Variants in PECR observed in about 807,000 individuals in gnomAD.
The protein encoded by PECR is peroxisomal trans-2-enoyl-CoA reductase, also known as 2,4-dienoyl-CoA reductase-related protein.
PECR carries 30 observed loss-of-function variants against 35.3 expected under a neutral mutation model. That is an observed-to-expected ratio of 0.85 (90% CI 0.64 to 1.15). PECR has a LOEUF of 1.15. Among genes scored for constraint, PECR ranks in the 50% most tolerant of loss-of-function variants. The probability of loss-of-function intolerance (pLI) is 0.00; values close to 1 mark genes in which losing one functional copy is unlikely to be tolerated. For synonymous variants in PECR, 148 were observed against 138.9 expected (o/e 1.07, Z -0.46); for missense variants, 392 against 370.8 (o/e 1.06, Z -0.47).
At chr2:216,044,830 G>A (rs1277177771) in intron 6 of PECR, among the ~76,000 whole-genome samples, 1 of 152,184 alleles carries the variant, frequency 6.6e-6, no homozygotes, top group South Asian at 2.1e-4. Flanking sequence ...TCACTGACTT[G>A]TAAAGGAGCT....
intron 7 of PECR, among the ~76,000 whole-genome samples, chr2:216,030,946 TCTCTCTCTCTCACACA>T (rs755515397): frequency 0.036 from 3,166 of 89,078 alleles, 79 homozygotes; most frequent in African/African-American, 0.097. Flanking sequence ...TCTCTCTCTC[TCTCTCTCTCTCACACA>T]CACACACACA....
chr2:216,041,921 C>T (rs1397167811), intron 7 of PECR, among the ~76,000 whole-genome samples: 1 of 152,032 alleles, frequency 6.6e-6, no homozygotes, highest in Non-Finnish European at 1.5e-5. Flanking sequence ...CCCCTTCTCA[C>T]ATGCCTTGCC....
Position 216,046,323 on chromosome 2 carries a change from T to TG in PECR, c.715-2309_715-2308insC, listed in dbSNP as rs1559209256. The stretch of plus-strand genomic sequence containing the variant: ...ATATATATATATATTTTTTTTTTTT[T>TG]TTTTTTTGAGAAGGCGTCTCACTGT... On this transcript the variant is annotated intron_variant, in intron 6 of 7. Transcript: ENST00000265322. 1.4e-3 allele frequency among the ~76,000 whole-genome samples: 198 copies of TG among 140,198 alleles called. 1 individual carries two copies. Among genetic ancestry groups the TG allele is most frequent in the African/African-American group, 4.9e-3 (183 of 37,718 alleles). 92.0% of individuals were successfully genotyped at this position (140,198 alleles called of 152,430 possible).
chr2:216,072,011 T>C (rs1296548620), intron 1 of PECR, among the ~76,000 whole-genome samples: 1 of 152,234 alleles, frequency 6.6e-6, no homozygotes, highest in East Asian at 1.9e-4. Flanking sequence ...AAAGACTACC[T>C]ATGAACTGTT....
intron 1 of PECR, among the ~76,000 whole-genome samples, chr2:216,075,812 T>C (rs1043250810): frequency 2.0e-5 from 3 of 152,222 alleles, no homozygotes; most frequent in Non-Finnish European, 4.4e-5. Context: ...ACAGGCTAGT[T>C]AGACTAGACT....
At chr2:216,050,509 C>A (rs1423494788) in intron 5 of PECR, among the ~76,000 whole-genome samples, 1 of 152,122 alleles carries the variant, frequency 6.6e-6, no homozygotes, top group Non-Finnish European at 1.5e-5. Flanking sequence ...AGTAGCAACA[C>A]CTTTGTCAGA....
At position 216,043,903 on chromosome 2, in the gene PECR, C is replaced by A; in HGVS notation, c.826+1G>T. Reference sequence around the variant, plus strand: ...TGACTGCTCATTCCTCAGCTGCTCACCTGGTACCTCATACGAGTGAGTATA... The same window carrying A: ...TGACTGCTCATTCCTCAGCTGCTCAACTGGTACCTCATACGAGTGAGTATA... On this transcript the variant is annotated splice_donor_variant, in intron 7 of 7. Transcript: ENST00000265322. LOFTEE classifies it high-confidence loss of function. The A allele has an allele frequency of 4.0e-6, 6 of 1,514,550 alleles. No individual in the cohort carries two copies. Among genetic ancestry groups the A allele is most frequent in the Non-Finnish European group, 5.5e-6 (6 of 1,088,570 alleles). The allele number at this position is 1,514,550 out of a possible 1,614,324, so 93.8% of individuals were successfully genotyped here.
Position 216,049,356 on chromosome 2 carries a change from C to A in PECR, c.621G>T (p.Gln207His), listed in dbSNP as rs148712165. 5.2e-6 allele frequency: 8 copies of A among 1,544,994 alleles called. No homozygotes were observed. In the African/African-American group the frequency reaches 1.1e-4, roughly 21 times the overall value. The part of the protein sequence containing the change: ...NCVAPGVIYS[Q>H]TAVENYGSWG... ...AGGAACCATAGTTCTCCACAGCAGT[C>A]TGGGAATAAATAACTCCCTGTGTTT... The change falls in exon 6 of 8, where the codon CAG becomes CAT. Residue 207 changes from glutamine to histidine, a missense_variant. Transcript: ENST00000265322.
intron 1 of PECR, among the ~76,000 whole-genome samples, chr2:216,077,665 G>A (rs1332443922): frequency 1.3e-5 from 2 of 151,992 alleles, no homozygotes; most frequent in Non-Finnish European, 2.9e-5. Flanking sequence ...AAATTAGCCA[G>A]GCATGGTGGC....
At chr2:216,075,760 T>C (rs904295662) in intron 1 of PECR, among the ~76,000 whole-genome samples, 6 of 152,204 alleles carry the variant, frequency 3.9e-5, no homozygotes, top group African/African-American at 1.4e-4. Context: ...CAACTCAGAA[T>C]ACTACATTTA....
chr2:216,030,578 C>G (rs1694664229), intron 7 of PECR, among the ~76,000 whole-genome samples: 1 of 152,012 alleles, frequency 6.6e-6, no homozygotes, highest in Admixed American at 6.6e-5. Context: ...GGGTCTCGCC[C>G]TGTCACCCAA....
intron 7 of PECR, among the ~76,000 whole-genome samples, chr2:216,043,035 ATGTG>A (rs56873980): frequency 0.014 from 1,811 of 125,568 alleles, 52 homozygotes; most frequent in Non-Finnish European, 0.022. Flanking sequence ...GTATATATGT[ATGTG>A]TATATATATA....
rs780202755 is a variant in PECR, at chr2:216,038,967, G to C, written c.*308C>G. 10 of 286,522 alleles carry C rather than the reference G, an allele frequency of 3.5e-5. No individual in the cohort carries two copies. The highest frequency in any genetic ancestry group is 6.1e-5 in the Non-Finnish European group (9 of 147,598). The allele number at this position is 286,522 out of a possible 1,614,324, so 17.7% of individuals were successfully genotyped here. A position where few individuals can be genotyped will look rare whatever the true frequency, so the allele number is the denominator to read the frequency against. On this transcript the variant is annotated 3_prime_UTR_variant, in exon 8 of 8. Transcript: ENST00000265322. ...ATAATAAAATCTTCTGGGAGTTCAT[G>C]ATCCCTAGAATTATCATTGATTTAA... is the stretch of plus-strand genomic sequence containing the variant.
chr2:216,062,798 G>A (rs1276550339), intron 3 of PECR, among the ~76,000 whole-genome samples: 3 of 152,170 alleles, frequency 2.0e-5, no homozygotes, highest in African/African-American at 7.2e-5. Context: ...GGTCCCATAA[G>A]ATTATAATAC....
intron 1 of PECR, among the ~76,000 whole-genome samples, chr2:216,074,432 GAAAGAAAGAA>G (rs1294732304): frequency 6.5e-4 from 94 of 144,464 alleles, no homozygotes; most frequent in African/African-American, 2.3e-3. Flanking sequence ...ACTGTGTCAA[GAAAGAAAGAA>G]AAAGAAAGAA....
At chr2:216,072,620 A>G (rs1695612243) in intron 1 of PECR, among the ~76,000 whole-genome samples, 1 of 152,152 alleles carries the variant, frequency 6.6e-6, no homozygotes, top group Admixed American at 6.5e-5. Context: ...GAGAACATGC[A>G]CCATTTGACC....
At chr2:216,032,722 C>T (rs1574668227) in intron 7 of PECR, 1 of 152,328 alleles carries the variant, frequency 6.6e-6, no homozygotes, top group East Asian at 1.9e-4. Context: ...GCTCACTCTT[C>T]CCCATGTTAC....
Position 216,078,575 on chromosome 2 carries a change from G to A in PECR, c.124+3043C>T, listed in dbSNP as rs1344324183. Among the ~76,000 whole-genome samples the A allele has an allele frequency of 5.0e-5, 7 of 141,202 alleles. No individual in the cohort carries two copies. In the East Asian group the frequency reaches 6.0e-4, roughly 12 times the overall value. 92.6% of individuals were successfully genotyped at this position (141,202 alleles called of 152,430 possible). ...TGTACTCCAGCCTGGGCGACAGAGC[G>A]AAACTCCATCTCAAAAAAAAAAAAA... On this transcript the variant is annotated intron_variant, in intron 1 of 7. Transcript: ENST00000265322.
intron 6 of PECR, among the ~76,000 whole-genome samples, chr2:216,045,475 T>A (rs938259522): frequency 2.6e-5 from 4 of 152,266 alleles, no homozygotes; most frequent in African/African-American, 9.6e-5. Context: ...CCATGTTGAT[T>A]ACATGTTGAA....
Sources: gnomAD v4.1 joint callset for allele counts (sites outside exome capture counted in the v4.1 genomes callset) on GRCh38, gnomAD v4.1.1 for gene constraint, MANE v1.5 for transcripts, NCBI Gene and HGNC (gene_info 2026-07-23, HGNC 2026-07-21) for gene names.